GUCY2C: variants seen among roughly 807,000 people sequenced by gnomAD.
The protein encoded by GUCY2C is guanylate cyclase 2C, also known as guanylyl cyclase C.
GUCY2C carries 118 observed loss-of-function variants against 131.1 expected under a neutral mutation model. The observed-to-expected ratio is 0.90, with a 90% CI of 0.78 to 1.05. GUCY2C has a LOEUF of 1.05. GUCY2C is among the 50% of genes least tolerant of loss of function. The probability of loss-of-function intolerance (pLI) is 0.00; values close to 1 mark genes in which losing one functional copy is unlikely to be tolerated. For missense variants in GUCY2C, 1,161 were observed against 1,304.4 expected (o/e 0.89, Z 1.69); for synonymous variants, 452 against 457.8 (o/e 0.99, Z 0.16).
rs114539566 is a variant in GUCY2C, at chr12:14,628,196, C to T, written c.2249+450G>A. Among the ~76,000 whole-genome samples, 750 of 152,268 alleles carry T rather than the reference C, an allele frequency of 4.9e-3. 8 individuals are homozygous for T. Among genetic ancestry groups the T allele is most frequent in the African/African-American group, 0.018 (729 of 41,554 alleles). ...ATAATTGTGTACTTTTCTCCCCCAACTTGAATTATGCTCTGATTCATGACA... is the reference window on the plus strand; with the variant it reads ...ATAATTGTGTACTTTTCTCCCCCAATTTGAATTATGCTCTGATTCATGACA... On this transcript the variant is annotated intron_variant, in intron 20 of 26. Transcript: ENST00000261170.
chr12:14,652,402 T>C (rs796590151), intron 13 of GUCY2C, among the ~76,000 whole-genome samples: 1 of 152,140 alleles, frequency 6.6e-6, no homozygotes, highest in South Asian at 2.1e-4. Context: ...CTCAAACTTC[T>C]GGCCTCAAAT....
At chr12:14,670,838 G>T (rs1217731809) in intron 9 of GUCY2C, among the ~76,000 whole-genome samples, 1 of 150,824 alleles carries the variant, frequency 6.6e-6, no homozygotes, top group Non-Finnish European at 1.5e-5. Flanking sequence ...TCTTTTTTTT[G>T]GGGAAGAAAA....
rs182816552 is a variant in GUCY2C at position 14,663,377 on chromosome 12, G to T, written c.1283-2315C>A. ...GGCTCACCGCAACCTCCACCCTCCA[G>T]GTTCAAAGATTCTCCTGCCTCAGCC... On this transcript the variant is annotated intron_variant, in intron 10 of 26. Transcript: ENST00000261170. Among the ~76,000 whole-genome samples, 692 of 152,354 alleles carry T rather than the reference G, an allele frequency of 4.5e-3. 7 individuals are homozygous for T. The highest frequency in any genetic ancestry group is 0.016 in the African/African-American group (655 of 41,582).
chr12:14,670,126 T>A (rs982875330), intron 9 of GUCY2C, among the ~76,000 whole-genome samples: 1 of 152,222 alleles, frequency 6.6e-6, no homozygotes, highest in Non-Finnish European at 1.5e-5. Flanking sequence ...TTCAAGTATT[T>A]CATTTTTCAA....
In GUCY2C at chr12:14,649,485, T is replaced by TA. The variant is rs566676963; in HGVS notation, c.1710+1921dup. On this transcript the variant is annotated intron_variant, in intron 15 of 26. Coordinates refer to ENST00000261170, the MANE Select transcript of GUCY2C (RefSeq NM_004963.4). ...AACAAAGTCAGCATAGGATTGAAAC[T>TA]AAAATCTATAGTTGTGAATATAGAT... 9.7e-3 allele frequency among the ~76,000 whole-genome samples: 1,477 copies of TA among 152,252 alleles called. 26 individuals are homozygous for TA. Among genetic ancestry groups the TA allele is most frequent in the African/African-American group, 0.034 (1,420 of 41,546 alleles).
intron 19 of GUCY2C, among the ~76,000 whole-genome samples, chr12:14,629,163 C>T (rs1416186836): frequency 2.6e-5 from 4 of 152,164 alleles, no homozygotes; most frequent in Non-Finnish European, 5.9e-5. Context: ...AAAAGCCCAC[C>T]AAGAGTTTTG....
At chr12:14,637,487 C>T (rs775883769) in intron 19 of GUCY2C, among the ~76,000 whole-genome samples, 25 of 152,000 alleles carry the variant, frequency 1.6e-4, no homozygotes, top group South Asian at 6.2e-4. Flanking sequence ...CAAAGCAATC[C>T]CAAGCAAAAA....
chr12:14,621,970 ATTAATGG>A lies in GUCY2C; in HGVS notation c.2601+28_2601+34del, dbSNP rs779335254. Reference sequence around the variant, plus strand: ...GGCTCTGATGACCTTGAGTTGTACAATTAATGGTTTCAGCCTGTTAGGTGATGTGGTT... The same window carrying A: ...GGCTCTGATGACCTTGAGTTGTACAATTTCAGCCTGTTAGGTGATGTGGTT... On this transcript the variant is annotated intron_variant, in intron 22 of 26. Transcript: ENST00000261170. 25 of 1,468,232 alleles carry A rather than the reference ATTAATGG, an allele frequency of 1.7e-5. No individual in the cohort carries two copies. The East Asian group carries it at 6.0e-4, about 35-fold the overall frequency. The allele number at this position is 1,468,232 out of a possible 1,614,324, so 91.0% of individuals were successfully genotyped here.
At chr12:14,643,526 A>G (rs1379758560) in intron 17 of GUCY2C, 48 bp downstream of exon 17, 4 of 1,548,484 alleles carry the variant, frequency 2.6e-6, no homozygotes, top group African/African-American at 1.4e-5. Context: ...CATGGGTTTG[A>G]AAAAAAAATC....
intron 19 of GUCY2C, among the ~76,000 whole-genome samples, chr12:14,631,485 G>T (rs1947146633): frequency 1.3e-5 from 2 of 151,592 alleles, no homozygotes; most frequent in Non-Finnish European, 2.9e-5. Flanking sequence ...GCGGTGTTTG[G>T]TTTTTTGTCC....
Position 14,626,224 on chromosome 12 carries a change from G to A in GUCY2C, c.2250-309C>T, listed in dbSNP as rs553279507. Reference sequence around the variant, plus strand: ...GCATGGTGGCACTACTCCAGAGGCCGAGGCAGGAGAATTGCTTGACTGGGA... The same window carrying A: ...GCATGGTGGCACTACTCCAGAGGCCAAGGCAGGAGAATTGCTTGACTGGGA... On this transcript the variant is annotated intron_variant, in intron 20 of 26. Coordinates refer to ENST00000261170, the MANE Select transcript of GUCY2C (RefSeq NM_004963.4). Among the ~76,000 whole-genome samples the A allele has an allele frequency of 2.6e-5, 4 of 152,002 alleles. 1 individual carries two copies. The highest frequency in any genetic ancestry group is 4.2e-4 in the South Asian group (2 of 4,818).
At chr12:14,638,741 G>A (rs976502050) in intron 19 of GUCY2C, among the ~76,000 whole-genome samples, 5 of 152,182 alleles carry the variant, frequency 3.3e-5, no homozygotes, top group Admixed American at 1.3e-4. Flanking sequence ...AGAGAGGTAG[G>A]TTAATGGGTA....
intron 3 of GUCY2C, among the ~76,000 whole-genome samples, chr12:14,684,308 C>A (rs1305330444): frequency 1.3e-5 from 2 of 152,116 alleles, no homozygotes; most frequent in African/African-American, 4.8e-5. Context: ...CATTTCCCTG[C>A]TTGTTTGCTT....
intron 26 of GUCY2C, among the ~76,000 whole-genome samples, chr12:14,614,306 G>C (rs771359254): frequency 1.3e-5 from 2 of 152,120 alleles, no homozygotes; most frequent in Non-Finnish European, 2.9e-5. Context: ...CTCATACCCA[G>C]ACTCAGGAAA....
intron 1 of GUCY2C, among the ~76,000 whole-genome samples, chr12:14,690,022 A>G (rs941553797): frequency 2.6e-5 from 4 of 152,198 alleles, no homozygotes; most frequent in African/African-American, 4.8e-5. Context: ...ATTGTGTAAC[A>G]TTACAAAATT....
intron 19 of GUCY2C, among the ~76,000 whole-genome samples, chr12:14,634,312 T>G (rs780737970): frequency 3.3e-5 from 5 of 152,046 alleles, no homozygotes; most frequent in Non-Finnish European, 5.9e-5. Context: ...GAAGAAGAAA[T>G]AAAGGCTGTC....
At chr12:14,647,134 T>A (rs1349594235) in intron 15 of GUCY2C, among the ~76,000 whole-genome samples, 3 of 152,186 alleles carry the variant, frequency 2.0e-5, no homozygotes, top group African/African-American at 7.2e-5. Context: ...GCACCATTTT[T>A]AAAATTACCC....
Position 14,696,470 on chromosome 12 carries a change from A to G in GUCY2C, c.-22T>C, listed in dbSNP as rs890972657. 11 of 1,588,390 alleles carry G rather than the reference A, an allele frequency of 6.9e-6. No homozygotes were observed. The highest frequency in any genetic ancestry group is 4.0e-5 in the African/African-American group (3 of 74,522). The stretch of plus-strand genomic sequence containing the variant: ...TCATGACCCCAATCACGTTAGAACC[A>G]TACTCCTTGTGCCCACTTGCTTTGC... On this transcript the variant is annotated 5_prime_UTR_variant, in exon 1 of 27. It removes an upstream start codon present in the reference 5' UTR. Transcript: ENST00000261170.
rs145901435 is a variant in GUCY2C at position 14,615,632 on chromosome 12, GAT to G, written c.2971-691_2971-690del. 1.1e-3 allele frequency among the ~76,000 whole-genome samples: 166 copies of G among 145,704 alleles called. 2 individuals carry two copies. The highest frequency in any genetic ancestry group is 3.3e-3 in the African/African-American group (131 of 40,230). On this transcript the variant is annotated intron_variant, in intron 25 of 26. Coordinates refer to ENST00000261170, the MANE Select transcript of GUCY2C (RefSeq NM_004963.4). ...ATCAATAATTTAAAAATGAGTGATTGATATATATATATATATAATTGATATAT... is the reference window on the plus strand; with the variant it reads ...ATCAATAATTTAAAAATGAGTGATTGATATATATATATATAATTGATATAT...
Sources: gnomAD v4.1 joint callset for allele counts (sites outside exome capture counted in the v4.1 genomes callset) on GRCh38, gnomAD v4.1.1 for gene constraint, MANE v1.5 for transcripts, NCBI Gene and HGNC (gene_info 2026-07-23, HGNC 2026-07-21) for gene names.